MELK: variants seen among roughly 807,000 people sequenced by gnomAD.
MELK encodes maternal embryonic leucine zipper kinase.
MELK carries 81 observed loss-of-function variants against 85.0 expected under a neutral mutation model. The ratio of observed to expected loss-of-function variants is 0.95; its 90% CI spans 0.80 to 1.15. The LOEUF (loss-of-function observed/expected upper bound fraction) is 1.15. Ranked by LOEUF, MELK falls within the 50% of genes most tolerant of loss-of-function variation. MELK has a pLI of 0.00. For synonymous variants in MELK, 252 were observed against 265.0 expected (o/e 0.95, Z 0.48); for missense variants, 754 against 777.5 (o/e 0.97, Z 0.36).
At chr9:36,633,492 G>T (rs1204830169) in intron 10 of MELK, among the ~76,000 whole-genome samples, 1 of 152,036 alleles carries the variant, frequency 6.6e-6, no homozygotes, top group Admixed American at 6.6e-5. Flanking sequence ...TGGGAATCTT[G>T]GACAAGTTAC....
chr9:36,654,247 T>A (rs2137347636), intron 12 of MELK, among the ~76,000 whole-genome samples: 1 of 151,978 alleles, frequency 6.6e-6, no homozygotes, highest in Non-Finnish European at 1.5e-5. Context: ...AGCTATTAGA[T>A]ACGTATACCT....
At position 36,594,741 on chromosome 9, in the gene MELK, C is replaced by G. The variant is rs770367929; in HGVS notation, c.375C>G (p.Ser125Arg). 3 of 1,613,978 alleles carry G rather than the reference C, an allele frequency of 1.9e-6. No homozygotes were observed. Among genetic ancestry groups the G allele is most frequent in the Non-Finnish European group, 1.7e-6 (2 of 1,179,994 alleles). The change falls in exon 5 of 18, where the codon AGC (serine) becomes AGG (arginine). Residue 125 changes from serine to arginine, a missense_variant. Ser to Arg is a moderately radical substitution (Grantham distance 110, BLOSUM62 -1). Transcript: ENST00000298048. ...QIVSAVAYVH[S>R]QGYAHRDLKP... ...TATCTGCTGTTGCTTATGTGCACAG[C>G]CAGGGCTATGCTCACAGGGACCTCA...
intron 7 of MELK, among the ~76,000 whole-genome samples, chr9:36,604,210 C>A (rs1002502638): frequency 6.8e-6 from 1 of 147,566 alleles, no homozygotes; most frequent in Admixed American, 6.9e-5. Context: ...CTCAGGTGAT[C>A]TGCCCACCTC....
chr9:36,596,589 T>G (rs1311523223), intron 5 of MELK, among the ~76,000 whole-genome samples: 1 of 104,384 alleles, frequency 9.6e-6, no homozygotes, highest in African/African-American at 6.3e-5. Context: ...TTGTTTTTTT[T>G]GTTTTTTTTT....
chr9:36,618,956 A>G (rs957623910), intron 8 of MELK, among the ~76,000 whole-genome samples: 1 of 145,654 alleles, frequency 6.9e-6, no homozygotes, highest in Non-Finnish European at 1.5e-5. Flanking sequence ...GTCAACTCTA[A>G]GTATTTTTTT....
chr9:36,675,936 T>A (rs910140501), intron 17 of MELK, among the ~76,000 whole-genome samples: 1 of 152,354 alleles, frequency 6.6e-6, no homozygotes, highest in Non-Finnish European at 1.5e-5. Flanking sequence ...CTGTAAATGT[T>A]GGCAAGCATT....
intron 8 of MELK, among the ~76,000 whole-genome samples, chr9:36,624,680 A>C (rs192280509): frequency 6.6e-6 from 1 of 152,166 alleles, no homozygotes; most frequent in Admixed American, 6.5e-5. Flanking sequence ...TCAGTATGGT[A>C]GAGCTCTCTT....
At chr9:36,607,081 G>A (rs570582164) in intron 7 of MELK, among the ~76,000 whole-genome samples, 63 of 152,232 alleles carry the variant, frequency 4.1e-4, no homozygotes, top group Middle Eastern at 6.8e-3. Flanking sequence ...CACCAGGCCC[G>A]GCCACCTCTA....
intron 11 of MELK, 90 bp downstream of exon 11, chr9:36,643,173 A>T (rs1429443988): frequency 1.9e-6 from 2 of 1,042,558 alleles, no homozygotes; most frequent in African/African-American, 3.3e-5. Context: ...ACTTGAGGTC[A>T]GGAGTTCGAG....
intron 8 of MELK, among the ~76,000 whole-genome samples, chr9:36,627,955 A>C (rs565422759): frequency 6.6e-6 from 1 of 151,566 alleles, no homozygotes; most frequent in East Asian, 2.0e-4. Flanking sequence ...AGGCTGGAGT[A>C]CTATGGCACA....
chr9:36,586,650 GACTT>G (rs1326237256), intron 3 of MELK, among the ~76,000 whole-genome samples: 2 of 152,070 alleles, frequency 1.3e-5, no homozygotes, highest in African/African-American at 4.8e-5. Context: ...ACTTTAGTAT[GACTT>G]ACTTTAACAC....
intron 8 of MELK, among the ~76,000 whole-genome samples, chr9:36,629,593 C>G (rs1828313805): frequency 6.6e-6 from 1 of 152,138 alleles, no homozygotes. Context: ...ACCAAATATG[C>G]TTTTCTGCTG....
chr9:36,597,195 G>A, intron 5 of MELK, 27 bp from the exon 6 acceptor site: 1 of 1,583,360 alleles, frequency 6.3e-7, no homozygotes, highest in Non-Finnish European at 8.7e-7. Context: ...TCAGTATACA[G>A]TTATCAAAAT....
chr9:36,573,562 A>G lies in MELK; in HGVS notation c.-39+555A>G, dbSNP rs910627739. On this transcript the variant is annotated intron_variant, in intron 1 of 17. Coordinates refer to ENST00000298048, the MANE Select transcript of MELK (RefSeq NM_014791.4). ...CTCTTGTTGCCCAGGCTGGAGTGCA[A>G]TGGCGCGATCTCGGCTCACCGCAAC... Among the ~76,000 whole-genome samples, 8 of 151,990 alleles carry G rather than the reference A, an allele frequency of 5.3e-5. No individual in the cohort carries two copies. The South Asian group carries it at 1.5e-3, about 28-fold the overall frequency.
intron 8 of MELK, among the ~76,000 whole-genome samples, chr9:36,610,573 G>T (rs1288136117): frequency 6.6e-6 from 1 of 152,246 alleles, no homozygotes; most frequent in Non-Finnish European, 1.5e-5. Flanking sequence ...AGAGCCTGCT[G>T]CTGTAGCCAA....
At chr9:36,661,886 G>A (rs939162961) in intron 13 of MELK, among the ~76,000 whole-genome samples, 2 of 149,338 alleles carry the variant, frequency 1.3e-5, no homozygotes, top group Non-Finnish European at 3.0e-5. Flanking sequence ...GCAGTGAGCC[G>A]AGATTGCACC....
At chr9:36,653,753 G>GT (rs545675619) in intron 12 of MELK, among the ~76,000 whole-genome samples, 12 of 151,594 alleles carry the variant, frequency 7.9e-5, no homozygotes, top group East Asian at 5.8e-4. Flanking sequence ...TGAAAGTTTG[G>GT]TTTTTTTCCC....
intron 8 of MELK, among the ~76,000 whole-genome samples, chr9:36,616,003 C>T (rs1243671212): frequency 6.6e-6 from 1 of 151,410 alleles, no homozygotes; most frequent in Non-Finnish European, 1.5e-5. Flanking sequence ...CCAAGGCAGG[C>T]GGCTGCTCCT....
intron 17 of MELK, among the ~76,000 whole-genome samples, chr9:36,675,596 A>T (rs1833275277): frequency 6.6e-6 from 1 of 152,150 alleles, no homozygotes; most frequent in Non-Finnish European, 1.5e-5. Context: ...ATTTATACAG[A>T]ATCCTTCTCT....
Sources: gnomAD v4.1 joint callset for allele counts (sites outside exome capture counted in the v4.1 genomes callset) on GRCh38, gnomAD v4.1.1 for gene constraint, MANE v1.5 for transcripts, NCBI Gene and HGNC (gene_info 2026-07-23, HGNC 2026-07-21) for gene names.